ZDHHC15: variants seen among roughly 807,000 people sequenced by gnomAD.
ZDHHC15 encodes the protein zDHHC palmitoyltransferase 15.
In ZDHHC15, 19 loss-of-function variants were observed where a neutral mutation model predicts 31.7. The observed-to-expected ratio is 0.60, with a 90% CI of 0.42 to 0.88. The LOEUF (loss-of-function observed/expected upper bound fraction) is 0.88, where lower values mean the gene tolerates loss of function less well. Ranked by LOEUF, ZDHHC15 falls within the 40% of genes least tolerant of loss-of-function variation. ZDHHC15 has a pLI of 0.00. For synonymous variants in ZDHHC15, 103 were observed against 90.0 expected (o/e 1.14, Z -0.82); for missense variants, 209 against 251.2 (o/e 0.83, Z 1.14).
At chrX:75,417,893 A>G (rs1292158178) in intron 9 of ZDHHC15, among the ~76,000 whole-genome samples, 1 of 112,049 alleles carries the variant, frequency 8.9e-6, no homozygotes. Context: ...TGCATTCCAC[A>G]TTTGAGTCTG....
chrX:75,514,382 T>C (rs2085323854), intron 1 of ZDHHC15, among the ~76,000 whole-genome samples: 1 of 111,772 alleles, frequency 8.9e-6, no homozygotes, highest in African/African-American at 3.2e-5. Flanking sequence ...AACGGCTGGG[T>C]TTTGTATACT....
intron 8 of ZDHHC15, among the ~76,000 whole-genome samples, chrX:75,422,303 A>T (rs1482657101): frequency 5.4e-5 from 6 of 111,912 alleles, no homozygotes; most frequent in African/African-American, 1.9e-4. Flanking sequence ...GTACTGCTGA[A>T]TTTAGAATAT....
intron 3 of ZDHHC15, among the ~76,000 whole-genome samples, chrX:75,475,287 A>T (rs2084585119): frequency 9.8e-6 from 1 of 102,519 alleles, no homozygotes; most frequent in African/African-American, 3.4e-5. Context: ...CATATCCAAG[A>T]AATTCCCAAA....
intron 3 of ZDHHC15, among the ~76,000 whole-genome samples, chrX:75,477,724 T>C (rs1602695578): frequency 8.9e-6 from 1 of 112,093 alleles, no homozygotes; most frequent in East Asian, 2.8e-4. Context: ...TTTCTAGCTT[T>C]ACATTTTCAA....
chrX:75,491,477 G>T (rs1489105474), intron 2 of ZDHHC15, among the ~76,000 whole-genome samples: 2 of 80,777 alleles, frequency 2.5e-5, no homozygotes, highest in South Asian at 1.1e-3. Flanking sequence ...GGACTGTTGT[G>T]GGGTGGGGGG....
rs1273795571 is a variant in ZDHHC15 at position 75,437,474 on chromosome X, C to T, written c.380-5954G>A. Among the ~76,000 whole-genome samples, 450 of 73,486 alleles carry T rather than the reference C, an allele frequency of 6.1e-3. 6 individuals are homozygous for T. Among genetic ancestry groups the T allele is most frequent in the African/African-American group, 0.022 (414 of 19,132 alleles). 63.8% of individuals were successfully genotyped at this position (73,486 alleles called of 115,157 possible). A position where few individuals can be genotyped will look rare whatever the true frequency, so the allele number is the denominator to read the frequency against. Reference sequence around the variant, plus strand: ...ACAACAGTCCCCAGAGTGTGATGTTCCCCTTCCTGTGTCCATGTGTTCTCA... The same window carrying T: ...ACAACAGTCCCCAGAGTGTGATGTTTCCCTTCCTGTGTCCATGTGTTCTCA... On this transcript the variant is annotated intron_variant, in intron 4 of 11. Coordinates refer to ENST00000373367, the MANE Select transcript of ZDHHC15 (RefSeq NM_144969.3).
intron 3 of ZDHHC15, among the ~76,000 whole-genome samples, chrX:75,467,249 T>C (rs1206791078): frequency 8.9e-6 from 1 of 112,243 alleles, no homozygotes; most frequent in Admixed American, 9.5e-5. Context: ...CACCTTGTGG[T>C]GGCACTTTAA....
intron 10 of ZDHHC15, among the ~76,000 whole-genome samples, chrX:75,397,497 C>T (rs1165396901): frequency 2.8e-5 from 3 of 108,957 alleles, no homozygotes; most frequent in Non-Finnish European, 5.7e-5. Context: ...ATCTCATATA[C>T]CCCATAAATA....
chrX:75,375,486 G>A (rs2083050760), intron 11 of ZDHHC15, among the ~76,000 whole-genome samples: 1 of 111,319 alleles, frequency 9.0e-6, no homozygotes, highest in Non-Finnish European at 1.9e-5. Flanking sequence ...TGATGCTGAG[G>A]TTTGGGGTAT....
chrX:75,464,951 C>T (rs1474527279), intron 3 of ZDHHC15, among the ~76,000 whole-genome samples: 2 of 111,678 alleles, frequency 1.8e-5, no homozygotes, highest in African/African-American at 6.5e-5. Flanking sequence ...GAAGTTCTGG[C>T]CAGGGCAATC....
intron 2 of ZDHHC15, among the ~76,000 whole-genome samples, chrX:75,491,299 A>C (rs1008485598): frequency 2.7e-5 from 3 of 110,029 alleles, no homozygotes; most frequent in African/African-American, 9.9e-5. Flanking sequence ...TGCAGCCATA[A>C]AAAATGATGA....
At chrX:75,441,570 C>T (rs949709126) in intron 4 of ZDHHC15, among the ~76,000 whole-genome samples, 4 of 109,523 alleles carry the variant, frequency 3.7e-5, no homozygotes, top group African/African-American at 1.3e-4. Flanking sequence ...ATGCTTCTTT[C>T]AAAGGATCTG....
intron 10 of ZDHHC15, among the ~76,000 whole-genome samples, chrX:75,390,407 GC>G (rs1186176236): frequency 9.0e-6 from 1 of 111,729 alleles, no homozygotes; most frequent in African/African-American, 3.3e-5. Context: ...GAGAATCAGT[GC>G]TGTACAGGCT....
intron 10 of ZDHHC15, among the ~76,000 whole-genome samples, chrX:75,397,953 G>A (rs760048369): frequency 3.5e-4 from 39 of 112,157 alleles, no homozygotes; most frequent in African/African-American, 1.2e-3. Flanking sequence ...CAGAGCAGCC[G>A]CTCAGGCATG....
intron 10 of ZDHHC15, among the ~76,000 whole-genome samples, chrX:75,414,862 T>C (rs752256983): frequency 9.2e-6 from 1 of 108,441 alleles, no homozygotes; most frequent in South Asian, 4.1e-4. Context: ...ATCTCCTGGG[T>C]TCAAGTGATT....
chrX:75,508,767 G>A (rs1424049248), intron 1 of ZDHHC15, among the ~76,000 whole-genome samples: 1 of 110,958 alleles, frequency 9.0e-6, no homozygotes, highest in African/African-American at 3.3e-5. Flanking sequence ...CCCACCAACA[G>A]TGTAAAAGTG....
At chrX:75,423,996 A>T (rs1357004112) in intron 8 of ZDHHC15, among the ~76,000 whole-genome samples, 1 of 111,418 alleles carries the variant, frequency 9.0e-6, no homozygotes, top group African/African-American at 3.3e-5. Flanking sequence ...GATGAAATAA[A>T]ATGTACTGGA....
chrX:75,381,729 G>T (rs182665253), intron 10 of ZDHHC15, among the ~76,000 whole-genome samples: 55 of 111,428 alleles, frequency 4.9e-4, no homozygotes, highest in Non-Finnish European at 7.9e-4. Context: ...ATGCTTCAGT[G>T]TTCTTACCAC....
chrX:75,494,758 C>G (rs1349060071), intron 2 of ZDHHC15, among the ~76,000 whole-genome samples: 1 of 112,059 alleles, frequency 8.9e-6, no homozygotes, highest in East Asian at 2.8e-4. Context: ...GGATCCCTTC[C>G]TTACACCTTA....
Sources: allele counts gnomAD v4.1 joint callset (sites outside exome capture counted in the v4.1 genomes callset), GRCh38; gene constraint gnomAD v4.1.1; transcripts MANE v1.5; gene names NCBI Gene and HGNC (gene_info 2026-07-23, HGNC 2026-07-21).